DPEP2: variants seen among roughly 807,000 people sequenced by gnomAD.
DPEP2 encodes the protein dipeptidase 2.
A neutral mutation model predicts 51.8 loss-of-function variants in DPEP2; 45 were observed. The observed-to-expected ratio is 0.87, with a 90% confidence interval of 0.68 to 1.11. DPEP2 has a LOEUF of 1.11. Ranked by LOEUF, DPEP2 falls within the 50% of genes most tolerant of loss-of-function variation. The pLI, the probability that DPEP2 is intolerant of heterozygous loss-of-function variation, is 0.00. For missense variants in DPEP2, 604 were observed against 631.9 expected (o/e 0.96, Z 0.47); for synonymous variants, 255 against 262.7 (o/e 0.97, Z 0.28).
chr16:67,993,899 A>C (rs2032491286), intron 1 of DPEP2: 1 of 985,242 alleles, frequency 1.0e-6, no homozygotes, highest in African/African-American at 1.7e-5. Context: ...ACTCTGGGGA[A>C]TCTCCCAGCT....
At chr16:67,993,691 C>G (rs956945141) in intron 1 of DPEP2, 1 of 986,896 alleles carries the variant, frequency 1.0e-6, no homozygotes. Flanking sequence ...GCAACGTGTC[C>G]CGGCCACACC....
At position 67,996,890 on chromosome 16, in the gene DPEP2, G is replaced by A. The variant is rs1247322321; in HGVS notation, c.-46+2485C>T. On this transcript the variant is annotated intron_variant, in intron 1 of 10. Transcript: ENST00000393847. Reference sequence around the variant, plus strand: ...TGGCCTTGAGGGGACCATACAAAGCGAATCACAGACACACCCACACTTGTA... The same window carrying A: ...TGGCCTTGAGGGGACCATACAAAGCAAATCACAGACACACCCACACTTGTA... 5.3e-5 allele frequency among the ~76,000 whole-genome samples: 8 copies of A among 151,842 alleles called. No homozygotes were observed. In the South Asian group the frequency reaches 1.0e-3, roughly 20 times the overall value.
chr16:67,987,820 C>A, intron 10 of DPEP2, 32 bp downstream of exon 10: 4 of 1,614,112 alleles, frequency 2.5e-6, no homozygotes, highest in South Asian at 1.1e-5. Flanking sequence ...TGCTCAGACC[C>A]CTCGGCTACT....
Position 67,987,411 on chromosome 16 carries a change from T to C in DPEP2, c.*95A>G. ...CAGGTCTGTTTCTATGTCCAAAACATTTATTTCAGGAAATATTTGTGCCTG... is the reference window on the plus strand; with the variant it reads ...CAGGTCTGTTTCTATGTCCAAAACACTTATTTCAGGAAATATTTGTGCCTG... On this transcript the variant is annotated 3_prime_UTR_variant, in exon 11 of 11. Transcript: ENST00000393847. The C allele has an allele frequency of 1.3e-6, 2 of 1,503,762 alleles. No homozygotes were observed. The highest frequency in any genetic ancestry group is 1.8e-6 in the Non-Finnish European group (2 of 1,112,674). The allele number at this position is 1,503,762 out of a possible 1,614,324, so 93.2% of individuals were successfully genotyped here. A position where few individuals can be genotyped will look rare whatever the true frequency, so the allele number is the denominator to read the frequency against.
intron 9 of DPEP2, 195 bp from the exon 10 acceptor site, chr16:67,988,182 T>C: frequency 3.2e-6 from 2 of 625,858 alleles, no homozygotes; most frequent in Non-Finnish European, 2.7e-6. Context: ...TCAAAACTTA[T>C]TGAATCATAC....
chr16:67,990,765 A>G lies in DPEP2; in HGVS notation c.909+56T>C. On this transcript the variant is annotated intron_variant, in intron 7 of 10. Coordinates refer to ENST00000393847, the MANE Select transcript of DPEP2 (RefSeq NM_022355.4). ...AGGTGTGAGCCACCATGCCTGGCCG[A>G]AGGGCTCCTGGTTTGAACCTCTTGC... 10 of 1,564,892 alleles carry G rather than the reference A, an allele frequency of 6.4e-6. No homozygotes were observed. The South Asian group carries it at 1.1e-4, about 17-fold the overall frequency.
At chr16:67,993,507 C>A in intron 1 of DPEP2, 1 of 1,169,360 alleles carries the variant, frequency 8.6e-7, no homozygotes, top group Non-Finnish European at 1.1e-6. Flanking sequence ...TGTCTTAGGG[C>A]CCTCCACCCT....
chr16:67,988,157 C>T, intron 9 of DPEP2, 170 bp from the exon 10 acceptor site: 1 of 719,156 alleles, frequency 1.4e-6, no homozygotes, highest in Non-Finnish European at 2.2e-6. Context: ...GCCTCAAAAC[C>T]TCCTTGAATA....
intron 1 of DPEP2, among the ~76,000 whole-genome samples, chr16:67,996,238 T>C (rs2032689065): frequency 6.6e-6 from 1 of 151,172 alleles, no homozygotes; most frequent in Non-Finnish European, 1.5e-5. Flanking sequence ...GGTCTCACTA[T>C]ATTGCCCAGG....
rs1354369674 is a variant in DPEP2, at chr16:67,990,897, A to T, written c.833T>A (p.Val278Glu). The change falls in exon 7 of 11, where the codon GTG becomes GAG. Residue 278 changes from valine to glutamate, a missense_variant. Val to Glu is a moderately radical substitution (Grantham distance 121). Coordinates refer to ENST00000393847, the MANE Select transcript of DPEP2 (RefSeq NM_022355.4). The stretch of plus-strand genomic sequence containing the variant: ...CCGGGCAGCCGAGTGGGAGAAGATC[A>T]CAGGTGCCTGTGACACTTCCAGGGC... ...RRALEVSQAP[V>E]IFSHSAARGV... 2.5e-6 allele frequency: 4 copies of T among 1,614,234 alleles called. No homozygotes were observed. Among genetic ancestry groups the T allele is most frequent in the Non-Finnish European group, 2.5e-6 (3 of 1,180,046 alleles).
chr16:67,987,803 A>G (rs770938849), intron 10 of DPEP2, 43 bp from the exon 11 acceptor site: 1 of 1,613,756 alleles, frequency 6.2e-7, no homozygotes, highest in Non-Finnish European at 8.5e-7. Flanking sequence ...GCTCTCCTTG[A>G]TACACTTGCT....
intron 1 of DPEP2, among the ~76,000 whole-genome samples, chr16:67,995,983 AC>A (rs772445359): frequency 9.9e-5 from 15 of 151,834 alleles, no homozygotes; most frequent in Non-Finnish European, 2.1e-4. Context: ...AACAACAACA[AC>A]AACAACAACA....
At position 67,990,938 on chromosome 16, in the gene DPEP2, A is replaced by G; in HGVS notation, c.792T>C (p.Asp264=). ...GMMVDLSHVS[D]AVARRALEVS... ...CTTCCAGGGCCCGCCGTGCCACAGCATCTGAGACATGGGATAAGTCTACCA... is the reference window on the plus strand; with the variant it reads ...CTTCCAGGGCCCGCCGTGCCACAGCGTCTGAGACATGGGATAAGTCTACCA... The change falls in exon 7 of 11, where the codon GAT becomes GAC. Residue 264 remains aspartate (D), a synonymous_variant. Coordinates refer to ENST00000393847, the MANE Select transcript of DPEP2 (RefSeq NM_022355.4). 1 of 1,614,248 alleles carries G rather than the reference A, an allele frequency of 6.2e-7. No individual in the cohort carries two copies. Among genetic ancestry groups the G allele is most frequent in the Non-Finnish European group, 8.5e-7 (1 of 1,180,058 alleles).
At position 67,991,867 on chromosome 16, in the gene DPEP2, CAGGT is replaced by C. The variant is rs772262184; in HGVS notation, c.629_632del (p.Tyr210Ter). On this transcript the variant is annotated frameshift_variant, in exon 5 of 11. Coordinates refer to ENST00000393847, the MANE Select transcript of DPEP2 (RefSeq NM_022355.4). LOFTEE classifies it high-confidence loss of function. This position sits in a 1 kb window ranked among gnomAD's most constrained non-coding sequence, Gnocchi z 5.1. ...GTGTGTTGCAGGTGTGGGTGAGCGT[CAGGT>C]AGCGCACTCCCAGCATGTAGAAGGT... 1 of 1,614,138 alleles carries C rather than the reference CAGGT, an allele frequency of 6.2e-7. No homozygotes were observed. Among genetic ancestry groups the C allele is most frequent in the South Asian group, 1.1e-5 (1 of 91,080 alleles).
Position 67,991,601 on chromosome 16 carries a change from C to G in DPEP2, c.662+237G>C. 1 of 593,994 alleles carries G rather than the reference C, an allele frequency of 1.7e-6. No individual in the cohort carries two copies. The highest frequency in any genetic ancestry group is 2.9e-6 in the Non-Finnish European group (1 of 349,340). The allele number at this position is 593,994 out of a possible 1,614,324, so 36.8% of individuals were successfully genotyped here. ...CCATCTTGGCCAGGCTGGTCTCGAA[C>G]TCCTGGCCTTAAGTTATCTGTCCGC... On this transcript the variant is annotated intron_variant, in intron 5 of 10. Transcript: ENST00000393847. The surrounding 1 kb of genome is among the most constrained non-coding windows in gnomAD (Gnocchi z 5.1).
At chr16:68,000,531 C>T (rs2032957848), upstream of DPEP2, 2 of 976,834 alleles carry the variant, frequency 2.0e-6, no homozygotes, top group South Asian at 9.5e-5. Context: ...TTTGATGTCG[C>T]CCTGGATCTG....
At chr16:67,993,564 C>T (rs886130963) in intron 1 of DPEP2, 71 of 1,041,600 alleles carry the variant, frequency 6.8e-5, no homozygotes, top group Non-Finnish European at 7.9e-5. Context: ...CCAGGTGGCT[C>T]CTCTGCTGCC....
rs374420900 is a variant in DPEP2 at position 67,993,188 on chromosome 16, G to A, written c.25C>T (p.Pro9Ser). 4.3e-5 allele frequency: 63 copies of A among 1,482,062 alleles called. No individual in the cohort carries two copies. Among genetic ancestry groups the A allele is most frequent in the Admixed American group, 2.4e-5 (1 of 40,952 alleles). The allele number at this position is 1,482,062 out of a possible 1,614,324, so 91.8% of individuals were successfully genotyped here. A position where few individuals can be genotyped will look rare whatever the true frequency, so the allele number is the denominator to read the frequency against. Residue 9 changes from proline to serine, a missense_variant, in exon 2 of 11, where the codon CCC becomes TCC. By Grantham distance (74) the Pro-to-Ser change is moderately conservative. Coordinates refer to ENST00000393847, the MANE Select transcript of DPEP2 (RefSeq NM_022355.4). MQPSGLEG[P>S]GTFGRWPLLS... ...AGAGGCCACCGACCAAACGTGCCGG[G>A]ACCCTCGAGGCCGGAGGGCTGCATG...
upstream of DPEP2, among the ~76,000 whole-genome samples, chr16:68,000,200 G>C (rs1261580056): frequency 6.6e-6 from 1 of 152,200 alleles, no homozygotes; most frequent in Non-Finnish European, 1.5e-5. Flanking sequence ...GAGTAGGTGG[G>C]TGAACAGCTT....
Sources: gnomAD v4.1 joint callset for allele counts (sites outside exome capture counted in the v4.1 genomes callset) on GRCh38, gnomAD v4.1.1 for gene constraint, Gnocchi (gnomAD v3.1) non-coding constraint, MANE v1.5 for transcripts, NCBI Gene and HGNC (gene_info 2026-07-23, HGNC 2026-07-21) for gene names.